The following ARL5C variants were observed in gnomAD, a reference collection of about 807,000 sequenced individuals.
The protein encoded by ARL5C is putative ADP-ribosylation factor-like protein 5C.
A neutral mutation model predicts 20.8 loss-of-function variants in ARL5C; 21 were observed. The observed-to-expected ratio is 1.01, with a 90% CI of 0.72 to 1.46. ARL5C has a LOEUF of 1.46. Ranked by LOEUF, ARL5C falls within the 40% of genes most tolerant of loss-of-function variation. The pLI is 0.00. For missense variants in ARL5C, 199 were observed against 225.1 expected, an observed-to-expected ratio of 0.88 and a Z score of 0.74; for synonymous variants, 71 against 81.6, an observed-to-expected ratio of 0.87 and a Z score of 0.70.
Position 39,160,623 on chromosome 17 carries a change from A to G in ARL5C, c.459T>C (p.His153=), listed in dbSNP as rs996098040. 5.2e-6 allele frequency: 8 copies of G among 1,551,772 alleles called. No homozygotes were observed. In the African/African-American group the frequency reaches 6.8e-5, roughly 13 times the overall value. The part of the protein sequence containing the change: ...TLSTIKDHSW[H]IQGCCALTRE... ...TGGTGAGGGCACAGCAGCCTTGTAT[A>G]TGCCACGAGTGGTCTTTGATGGTGC... The change falls in exon 5 of 6, where the codon CAT becomes CAC. Residue 153 remains histidine, a synonymous_variant. Coordinates refer to ENST00000269586, the MANE Select transcript of ARL5C (RefSeq NM_001143968.1).
Position 39,162,700 on chromosome 17 carries a change from G to A in ARL5C, c.255+11C>T. 2 of 1,550,758 alleles carry A rather than the reference G, an allele frequency of 1.3e-6. No homozygotes were observed. The highest frequency in any genetic ancestry group is 1.7e-6 in the Non-Finnish European group (2 of 1,146,402). On this transcript the variant is annotated intron_variant, in intron 3 of 5. Coordinates refer to ENST00000269586, the MANE Select transcript of ARL5C (RefSeq NM_001143968.1). ...GCCTTGGAGACCCTTCAGCCCTGGTGCCCTCCTCACCTCAGTGTTGGAGTA... is the reference window on the plus strand; with the variant it reads ...GCCTTGGAGACCCTTCAGCCCTGGTACCCTCCTCACCTCAGTGTTGGAGTA...
In ARL5C at chr17:39,161,369, G is replaced by A. The variant is rs1442582220; in HGVS notation, c.256-18C>T. 1.9e-6 allele frequency: 3 copies of A among 1,550,868 alleles called. No homozygotes were observed. The African/African-American group carries it at 4.1e-5, about 21-fold the overall frequency. On this transcript the variant is annotated intron_variant, in intron 3 of 5. Transcript: ENST00000269586. ...ATGATAAACTGGGCAGCAGAGGGGA[G>A]CCGTGAGAGACAGGCTTTCTCTTTG...
chr17:39,163,345 C>CCTTT (rs57401429), intron 2 of ARL5C, among the ~76,000 whole-genome samples: 13,396 of 136,700 alleles, frequency 0.098, 759 homozygotes, highest in South Asian at 0.18. Context: ...CAGGCTTTTG[C>CCTTT]CTTTCTTTCT....
In ARL5C at chr17:39,166,101, T is replaced by C. The variant is rs2045462477; in HGVS notation, c.-341A>G. 1.2e-5 allele frequency: 4 copies of C among 333,026 alleles called. No homozygotes were observed. The highest frequency in any genetic ancestry group is 3.5e-5 in the South Asian group (1 of 28,320). The allele number at this position is 333,026 out of a possible 1,614,324, so 20.6% of individuals were successfully genotyped here. On this transcript the variant is annotated 5_prime_UTR_variant, in exon 1 of 6. Transcript: ENST00000269586. ...CCGCAAATCAGGGGAGACTCAGCAC[T>C]GCGCGCGGAACCGGATCCCAGCTCT...
chr17:39,165,409 G>C (rs1597669848), intron 1 of ARL5C: 1 of 589,824 alleles, frequency 1.7e-6, no homozygotes, highest in East Asian at 2.8e-5. Flanking sequence ...ACGGTGTTTA[G>C]AGAAAGAGCA....
chr17:39,159,400 G>A (rs770075985), intron 5 of ARL5C, among the ~76,000 whole-genome samples: 3 of 150,474 alleles, frequency 2.0e-5, no homozygotes, highest in East Asian at 2.0e-4. Flanking sequence ...GGGTTCAAGC[G>A]CTTCTCCTGC....
At position 39,165,786 on chromosome 17, in the gene ARL5C, A is replaced by T; in HGVS notation, c.-26T>A. 1 of 1,551,642 alleles carries T rather than the reference A, an allele frequency of 6.4e-7. No homozygotes were observed. Among genetic ancestry groups the T allele is most frequent in the African/African-American group, 1.4e-5 (1 of 73,186 alleles). The stretch of plus-strand genomic sequence containing the variant: ...GGCACTTCCCGGGCCGGACAGGTGC[A>T]GGAGGGCTCAGCGGCCTCAGGAGCG... On this transcript the variant is annotated 5_prime_UTR_variant, in exon 1 of 6. Coordinates refer to ENST00000269586, the MANE Select transcript of ARL5C (RefSeq NM_001143968.1).
chr17:39,161,516 CTT>C (rs35110471), intron 3 of ARL5C, among the ~76,000 whole-genome samples, 165 bp from the exon 4 acceptor site: 6,189 of 142,974 alleles, frequency 0.043, 177 homozygotes, highest in East Asian at 0.12. Flanking sequence ...TTATAATTGT[CTT>C]TTTTTTTTTT....
At position 39,159,373 on chromosome 17, in the gene ARL5C, C is replaced by T. The variant is rs113928943; in HGVS notation, c.491+1218G>A. 3.5e-3 allele frequency among the ~76,000 whole-genome samples: 533 copies of T among 150,554 alleles called. 5 individuals are homozygous for T. Among genetic ancestry groups the T allele is most frequent in the Middle Eastern group, 0.02 (6 of 294 alleles). On this transcript the variant is annotated intron_variant, in intron 5 of 5. Transcript: ENST00000269586. ...GTGCAATGGTATGATCTTGACTCACCGCAACCTCCGCCTCCTGGGTTCAAG... is the reference window on the plus strand; with the variant it reads ...GTGCAATGGTATGATCTTGACTCACTGCAACCTCCGCCTCCTGGGTTCAAG...
intron 3 of ARL5C, 49 bp from the exon 4 acceptor site, chr17:39,161,400 T>G: frequency 6.6e-7 from 1 of 1,515,366 alleles, no homozygotes. Context: ...CTTTGGTAAA[T>G]GTGTTTCCTG....
intron 3 of ARL5C, 79 bp downstream of exon 3, chr17:39,162,632 C>G (rs972050138): frequency 8.8e-6 from 13 of 1,476,784 alleles, no homozygotes; most frequent in Non-Finnish European, 1.2e-5. Context: ...GTTGGGGAAC[C>G]AAGGCTCAGA....
At chr17:39,159,380 TC>T (rs1432503906) in intron 5 of ARL5C, among the ~76,000 whole-genome samples, 2 of 148,522 alleles carry the variant, frequency 1.3e-5, no homozygotes, top group Non-Finnish European at 3.0e-5. Context: ...CACCGCAACC[TC>T]CGCCTCCTGG....
chr17:39,157,397 A>G (rs2045410607), intron 5 of ARL5C, among the ~76,000 whole-genome samples: 1 of 152,084 alleles, frequency 6.6e-6, no homozygotes, highest in Non-Finnish European at 1.5e-5. Context: ...CCCCCATTAG[A>G]TTGTAAGCAA....
chr17:39,162,646 G>C (rs1049951330), intron 3 of ARL5C, 65 bp downstream of exon 3: 2 of 1,513,142 alleles, frequency 1.3e-6, no homozygotes, highest in African/African-American at 2.8e-5. Context: ...GCTCAGAAAG[G>C]TTACATGACA....
rs535173380 is a variant in ARL5C at position 39,165,653 on chromosome 17, A to T, written c.46+62T>A. ...CCCCCCGTGCGTCCGACCACAGATC[A>T]GAGGAGTCCCAGAAGAGGGCGAGAT... On this transcript the variant is annotated intron_variant, in intron 1 of 5. Coordinates refer to ENST00000269586, the MANE Select transcript of ARL5C (RefSeq NM_001143968.1). The T allele has an allele frequency of 3.2e-5, 49 of 1,546,920 alleles. No homozygotes were observed. The South Asian group carries it at 5.2e-4, about 17-fold the overall frequency.
chr17:39,160,545 A>T, intron 5 of ARL5C, 46 bp downstream of exon 5: 2 of 1,544,822 alleles, frequency 1.3e-6, no homozygotes, highest in Non-Finnish European at 1.8e-6. Flanking sequence ...TCAGTCATCC[A>T]TTGGTTCAGC....
At chr17:39,165,556 G>T in intron 1 of ARL5C, 159 bp downstream of exon 1, 2 of 831,326 alleles carry the variant, frequency 2.4e-6, no homozygotes, top group Non-Finnish European at 3.7e-6. Context: ...AAGAGGAGCA[G>T]GCAGGGACGG....
Position 39,164,929 on chromosome 17 carries a change from A to G in ARL5C, c.107+150T>C, listed in dbSNP as rs540112253. 9.7e-5 allele frequency: 70 copies of G among 718,804 alleles called. 2 individuals are homozygous for G. Among genetic ancestry groups the G allele is most frequent in the South Asian group, 6.5e-4 (38 of 58,032 alleles). 44.5% of individuals were successfully genotyped at this position (718,804 alleles called of 1,614,324 possible). A position where few individuals can be genotyped will look rare whatever the true frequency, so the allele number is the denominator to read the frequency against. On this transcript the variant is annotated intron_variant, in intron 2 of 5. Coordinates refer to ENST00000269586, the MANE Select transcript of ARL5C (RefSeq NM_001143968.1). Reference sequence around the variant, plus strand: ...GAATGCCAGACCGAGGAGCCGCAGTACTAGGAAGGTCCAAGCAGCGTGCCC... The same window carrying G: ...GAATGCCAGACCGAGGAGCCGCAGTGCTAGGAAGGTCCAAGCAGCGTGCCC...
At chr17:39,164,204 A>G (rs1175538512) in intron 2 of ARL5C, 1 of 152,176 alleles carries the variant, frequency 6.6e-6, no homozygotes, top group Non-Finnish European at 1.5e-5. Flanking sequence ...GATTACAGGC[A>G]CTTTGAGAGC....
Sources: allele counts gnomAD v4.1 joint callset (sites outside exome capture counted in the v4.1 genomes callset), GRCh38; gene constraint gnomAD v4.1.1; transcripts MANE v1.5; gene names NCBI Gene and HGNC (gene_info 2026-07-23, HGNC 2026-07-21).